Variants in PDK1 observed in about 807,000 individuals in gnomAD.
PDK1 encodes the protein [Pyruvate dehydrogenase (acetyl-transferring)] kinase isozyme 1, mitochondrial.
In PDK1, 39 loss-of-function variants were observed where a neutral mutation model predicts 54.2. The observed-to-expected ratio is 0.72, with a 90% CI of 0.56 to 0.94. The LOEUF is 0.94. Among genes scored for constraint, PDK1 ranks in the 40% least tolerant of loss-of-function variants. The probability of loss-of-function intolerance (pLI) is 0.00; values close to 1 mark genes in which losing one functional copy is unlikely to be tolerated. For missense variants in PDK1, 552 were observed against 566.0 expected (o/e 0.98, Z 0.25); for synonymous variants, 221 against 207.1 (o/e 1.07, Z -0.58).
intron 8 of PDK1, among the ~76,000 whole-genome samples, chr2:172,577,251 G>A (rs2149251536): frequency 6.6e-6 from 1 of 152,126 alleles, no homozygotes. Flanking sequence ...TTTGAAGTTA[G>A]TGTAACCATC....
intron 1 of PDK1, among the ~76,000 whole-genome samples, chr2:172,556,874 A>G (rs2149174291): frequency 6.6e-6 from 1 of 152,366 alleles, no homozygotes. Flanking sequence ...ATCATCAGCA[A>G]GTAAGTCTTG....
At chr2:172,655,727 C>T in the PDK1 span, among the ~76,000 whole-genome samples, 2 of 152,162 alleles carry the variant, frequency 1.3e-5, no homozygotes, top group Non-Finnish European at 2.9e-5. Context: ...CCCAAGTGGG[C>T]GTGTGTTACA....
chr2:172,580,008 T>C (rs1404128145), intron 8 of PDK1, among the ~76,000 whole-genome samples: 1 of 152,102 alleles, frequency 6.6e-6, no homozygotes, highest in African/African-American at 2.4e-5. Flanking sequence ...TTTCCAAGAA[T>C]CCTTATTTTT....
the PDK1 span, among the ~76,000 whole-genome samples, chr2:172,638,821 G>T: frequency 4.7e-4 from 71 of 152,262 alleles, no homozygotes; most frequent in African/African-American, 1.5e-3. Context: ...CTAGCTAAAG[G>T]TTGGGAATTT....
chr2:172,584,598 C>T (rs1289789151), intron 8 of PDK1, among the ~76,000 whole-genome samples: 1 of 142,242 alleles, frequency 7.0e-6, no homozygotes, highest in Non-Finnish European at 1.5e-5. Context: ...TGCTTATTTT[C>T]TCAGGATAAA....
the PDK1 span, chr2:172,691,181 A>G: frequency 1.3e-5 from 2 of 150,096 alleles, no homozygotes; most frequent in Non-Finnish European, 3.0e-5. Flanking sequence ...GGGATTTCCA[A>G]TATGCTTTCT....
chr2:172,713,494 C>G, the PDK1 span, among the ~76,000 whole-genome samples: 2 of 152,230 alleles, frequency 1.3e-5, no homozygotes, highest in Non-Finnish European at 2.9e-5. Flanking sequence ...TGGCCACTCT[C>G]TCATGCTTGT....
At chr2:172,586,827 A>G (rs1197932375) in intron 9 of PDK1, among the ~76,000 whole-genome samples, 1 of 152,214 alleles carries the variant, frequency 6.6e-6, no homozygotes, top group Non-Finnish European at 1.5e-5. Context: ...TAATCTGTTC[A>G]ATCACCAACC....
At chr2:172,686,411 G>A in the PDK1 span, among the ~76,000 whole-genome samples, 1 of 152,128 alleles carries the variant, frequency 6.6e-6, no homozygotes, top group South Asian at 2.1e-4. Flanking sequence ...TCAGTGCTCT[G>A]TAAAAACACC....
At chr2:172,685,395 C>T in the PDK1 span, among the ~76,000 whole-genome samples, 1 of 152,152 alleles carries the variant, frequency 6.6e-6, no homozygotes, top group Non-Finnish European at 1.5e-5. Context: ...GGCTGGCCTT[C>T]AAGGCTCTGC....
At chr2:172,615,347 G>A in the PDK1 span, among the ~76,000 whole-genome samples, 11 of 152,206 alleles carry the variant, frequency 7.2e-5, no homozygotes. Flanking sequence ...ATAGAGGCCA[G>A]GCATAGTGGT....
chr2:172,661,556 C>T, the PDK1 span, among the ~76,000 whole-genome samples: 1 of 152,104 alleles, frequency 6.6e-6, no homozygotes, highest in Non-Finnish European at 1.5e-5. Flanking sequence ...TATTGAAAGC[C>T]AGGGCTTGAT....
chr2:172,673,441 A>G, the PDK1 span, among the ~76,000 whole-genome samples: 1 of 152,148 alleles, frequency 6.6e-6, no homozygotes, highest in Non-Finnish European at 1.5e-5. Flanking sequence ...GCTGATCACT[A>G]GGCTCAGGTT....
At chr2:172,561,254 A>C (rs940150138) in intron 2 of PDK1, among the ~76,000 whole-genome samples, 20 of 152,336 alleles carry the variant, frequency 1.3e-4, no homozygotes, top group African/African-American at 4.1e-4. Flanking sequence ...TAGGTACTCA[A>C]ATATCTCTTG....
chr2:172,680,353 C>A, the PDK1 span, among the ~76,000 whole-genome samples: 3 of 151,894 alleles, frequency 2.0e-5, no homozygotes, highest in East Asian at 3.9e-4. Flanking sequence ...TCTTTCTTTT[C>A]TTTTCTTTTT....
chr2:172,611,152 TG>T (rs1263206794), downstream of PDK1, among the ~76,000 whole-genome samples: 1 of 152,170 alleles, frequency 6.6e-6, no homozygotes, highest in African/African-American at 2.4e-5. Flanking sequence ...CATTCAGCAA[TG>T]GTTTAGATTC....
the PDK1 span, among the ~76,000 whole-genome samples, chr2:172,650,753 A>C: frequency 6.6e-6 from 1 of 152,350 alleles, no homozygotes; most frequent in Admixed American, 6.5e-5. Flanking sequence ...CATGATGATA[A>C]AGGGATCAAT....
At chr2:172,567,901 T>C (rs1208595630) in intron 6 of PDK1, among the ~76,000 whole-genome samples, 2 of 152,266 alleles carry the variant, frequency 1.3e-5, no homozygotes, top group African/African-American at 4.8e-5. Flanking sequence ...GTGGGGCTCC[T>C]ATTAAGTGTT....
chr2:172,631,340 C>T, the PDK1 span, among the ~76,000 whole-genome samples: 21 of 152,212 alleles, frequency 1.4e-4, no homozygotes, highest in Non-Finnish European at 8.8e-5. Flanking sequence ...AAGACACAGT[C>T]CTCTCTTAAA....
Sources: allele counts gnomAD v4.1 joint callset (sites outside exome capture counted in the v4.1 genomes callset), GRCh38; gene constraint gnomAD v4.1.1; transcripts MANE v1.5; gene names NCBI Gene and HGNC (gene_info 2026-07-23, HGNC 2026-07-21).